RPS6KA5: variants seen among roughly 807,000 people sequenced by gnomAD.
RPS6KA5 encodes ribosomal protein S6 kinase A5.
A neutral mutation model predicts 85.5 loss-of-function variants in RPS6KA5; 27 were observed. The ratio of observed to expected loss-of-function variants is 0.32; its 90% CI spans 0.23 to 0.44. The LOEUF (loss-of-function observed/expected upper bound fraction) is 0.44. Ranked by LOEUF, RPS6KA5 falls within the 20% of genes least tolerant of loss-of-function variation. RPS6KA5 has a pLI of 1.00. For missense variants in RPS6KA5, 811 were observed against 980.9 expected, an observed-to-expected ratio of 0.83 and a Z score of 2.31; for synonymous variants, 334 against 348.2, an observed-to-expected ratio of 0.96 and a Z score of 0.46.
In RPS6KA5 at chr14:90,894,086, T is replaced by C. The variant is rs566270746; in HGVS notation, c.1644+327A>G. Reference sequence around the variant, plus strand: ...GGAAAAAAAACCCTCTAAAATTATATGTAAGAGATATTATTTTCTGCTATA... The same window carrying C: ...GGAAAAAAAACCCTCTAAAATTATACGTAAGAGATATTATTTTCTGCTATA... On this transcript the variant is annotated intron_variant, in intron 13 of 16. Transcript: ENST00000614987. The C allele has an allele frequency of 1.9e-3, 1,888 of 970,554 alleles. 4 individuals carry two copies. Among genetic ancestry groups the C allele is most frequent in the South Asian group, 5.6e-3 (116 of 20,846 alleles). The allele number at this position is 970,554 out of a possible 1,614,324, so 60.1% of individuals were successfully genotyped here.
At chr14:91,006,552 A>T (rs1368139458) in intron 1 of RPS6KA5, among the ~76,000 whole-genome samples, 1 of 152,174 alleles carries the variant, frequency 6.6e-6, no homozygotes, top group Non-Finnish European at 1.5e-5. Flanking sequence ...GAAGACTGCC[A>T]TCTGCAAACC....
At chr14:90,958,419 A>C (rs2038634644) in intron 3 of RPS6KA5, among the ~76,000 whole-genome samples, 1 of 152,158 alleles carries the variant, frequency 6.6e-6, no homozygotes, top group Admixed American at 6.5e-5. Context: ...TAAGACTCCT[A>C]CTTCTGGACT....
chr14:91,021,679 C>G (rs916684247), intron 1 of RPS6KA5, among the ~76,000 whole-genome samples: 1 of 152,204 alleles, frequency 6.6e-6, no homozygotes, highest in African/African-American at 2.4e-5. Context: ...TCCCAAAGTG[C>G]TGGGATTACA....
At chr14:91,050,058 C>T (rs2043012784) in intron 1 of RPS6KA5, among the ~76,000 whole-genome samples, 1 of 152,214 alleles carries the variant, frequency 6.6e-6, no homozygotes, top group African/African-American at 2.4e-5. Context: ...GAGAGCTGCA[C>T]TGTACTCATA....
intron 1 of RPS6KA5, among the ~76,000 whole-genome samples, chr14:91,034,556 C>T (rs1595521549): frequency 6.6e-6 from 1 of 152,116 alleles, no homozygotes; most frequent in South Asian, 2.1e-4. Flanking sequence ...AATCAGCACT[C>T]TGTAAAATGG....
At chr14:90,875,887 C>T (rs571899095) in intron 14 of RPS6KA5, among the ~76,000 whole-genome samples, 8 of 129,318 alleles carry the variant, frequency 6.2e-5, no homozygotes, top group Middle Eastern at 5.9e-3. Context: ...GAACATCACA[C>T]ACCGGGGACT....
chr14:91,005,739 CTTAA>C (rs772633200), intron 1 of RPS6KA5, among the ~76,000 whole-genome samples: 3 of 152,168 alleles, frequency 2.0e-5, no homozygotes, highest in Admixed American at 6.5e-5. Context: ...TCACATTTCT[CTTAA>C]TTGTTAACCT....
At chr14:90,898,683 G>C (rs1156707950) in intron 12 of RPS6KA5, among the ~76,000 whole-genome samples, 1 of 151,904 alleles carries the variant, frequency 6.6e-6, no homozygotes, top group Non-Finnish European at 1.5e-5. Flanking sequence ...TGGTCTCAGG[G>C]GCAGAGAAGT....
At position 90,893,383 on chromosome 14, in the gene RPS6KA5, T is replaced by C. The variant is rs912994883; in HGVS notation, c.1644+1030A>G. Among the ~76,000 whole-genome samples the C allele has an allele frequency of 4.6e-5, 7 of 152,324 alleles. No homozygotes were observed. The East Asian group carries it at 7.7e-4, about 17-fold the overall frequency. ...GTGAATAATGGTAATAGAAAATACA[T>C]AGAAGTCTAAATACATGAAAGGAAT... is the stretch of plus-strand genomic sequence containing the variant. On this transcript the variant is annotated intron_variant, in intron 13 of 16. Transcript: ENST00000614987.
Position 90,872,002 on chromosome 14 carries a change from C to T in RPS6KA5, c.*72G>A. On this transcript the variant is annotated 3_prime_UTR_variant, in exon 17 of 17. Transcript: ENST00000614987. ...GACCAACGGGAAACATTTTTAAAAG[C>T]ATAAAAGATCGCCTCAGGCATATGC... 1 of 1,513,858 alleles carries T rather than the reference C, an allele frequency of 6.6e-7. No homozygotes were observed. The highest frequency in any genetic ancestry group is 8.8e-7 in the Non-Finnish European group (1 of 1,130,736). The allele number at this position is 1,513,858 out of a possible 1,614,324, so 93.8% of individuals were successfully genotyped here. A position where few individuals can be genotyped will look rare whatever the true frequency, so the allele number is the denominator to read the frequency against.
intron 5 of RPS6KA5, among the ~76,000 whole-genome samples, chr14:90,933,190 C>T (rs2037080140): frequency 6.6e-6 from 1 of 152,168 alleles, no homozygotes; most frequent in East Asian, 1.9e-4. Context: ...TCTTCTGAGA[C>T]AATCCACCTT....
At chr14:90,937,485 A>C (rs969459058) in intron 5 of RPS6KA5, among the ~76,000 whole-genome samples, 1 of 152,206 alleles carries the variant, frequency 6.6e-6, no homozygotes, top group African/African-American at 2.4e-5. Context: ...ATGTCTACTT[A>C]AACAGTGACA....
chr14:91,038,006 T>C (rs1007418712), intron 1 of RPS6KA5, among the ~76,000 whole-genome samples: 1 of 152,138 alleles, frequency 6.6e-6, no homozygotes, highest in African/African-American at 2.4e-5. Context: ...CTGGAGGAAA[T>C]AGGGGTGAGA....
intron 1 of RPS6KA5, among the ~76,000 whole-genome samples, chr14:91,004,445 T>C (rs1470767793): frequency 6.6e-6 from 1 of 152,200 alleles, no homozygotes; most frequent in Non-Finnish European, 1.5e-5. Flanking sequence ...ATCCTTACAA[T>C]AGTCCTCAAA....
chr14:90,923,428 TCATCCATCCATCCATCCATCCATC>T (rs3832953), intron 5 of RPS6KA5, among the ~76,000 whole-genome samples: 1 of 150,822 alleles, frequency 6.6e-6, no homozygotes, highest in Non-Finnish European at 1.5e-5. Context: ...AATGGTACCA[TCATCCATCCATCCATCCATCCATC>T]CATCCATCCA....
chr14:90,927,086 G>A (rs952684962), intron 5 of RPS6KA5, among the ~76,000 whole-genome samples: 7 of 152,094 alleles, frequency 4.6e-5, no homozygotes, highest in Non-Finnish European at 8.8e-5. Context: ...GGTCATGATC[G>A]TTTGAGAGAT....
chr14:91,037,868 T>C (rs2042463432), intron 1 of RPS6KA5, among the ~76,000 whole-genome samples: 1 of 152,208 alleles, frequency 6.6e-6, no homozygotes, highest in South Asian at 2.1e-4. Flanking sequence ...TCCACCTCCC[T>C]AAATGTTCCT....
chr14:91,043,672 A>C (rs1418853139), intron 1 of RPS6KA5, among the ~76,000 whole-genome samples: 4 of 152,210 alleles, frequency 2.6e-5, no homozygotes, highest in Non-Finnish European at 5.9e-5. Context: ...TGTCCATCAG[A>C]ATATGTCAAA....
At chr14:91,039,697 C>T (rs997197767) in intron 1 of RPS6KA5, among the ~76,000 whole-genome samples, 2 of 152,146 alleles carry the variant, frequency 1.3e-5, no homozygotes, top group African/African-American at 2.4e-5. Context: ...AAACCAGGTG[C>T]CATCACCTTG....
Sources: gnomAD v4.1 joint callset for allele counts (sites outside exome capture counted in the v4.1 genomes callset) on GRCh38, gnomAD v4.1.1 for gene constraint, MANE v1.5 for transcripts, NCBI Gene and HGNC (gene_info 2026-07-23, HGNC 2026-07-21) for gene names.